Variants in ZMYM4 observed in about 807,000 individuals in gnomAD.
The protein encoded by ZMYM4 is zinc finger MYM-type containing 4.
ZMYM4 carries 31 observed loss-of-function variants against 183.2 expected under a neutral mutation model. The ratio of observed to expected loss-of-function variants is 0.17; its 90% CI spans 0.13 to 0.23. The LOEUF is 0.23. Ranked by LOEUF, ZMYM4 falls within the 10% of genes least tolerant of loss-of-function variation. The pLI is 1.00. For missense variants in ZMYM4, 1,273 were observed against 1,840.3 expected, an observed-to-expected ratio of 0.69 and a Z score of 5.64; for synonymous variants, 592 against 631.2, an observed-to-expected ratio of 0.94 and a Z score of 0.93.
At chr1:35,379,920 C>T (rs527374812) in intron 7 of ZMYM4, among the ~76,000 whole-genome samples, 2 of 152,290 alleles carry the variant, frequency 1.3e-5, no homozygotes, top group Admixed American at 6.5e-5. Context: ...CTTCCCAAAA[C>T]AATTACAATA....
chr1:35,361,483 C>T (rs894695146), intron 4 of ZMYM4, 136 bp from the exon 5 acceptor site: 3 of 1,053,710 alleles, frequency 2.8e-6, no homozygotes, highest in Non-Finnish European at 2.7e-6. Context: ...TACTTTTAGG[C>T]GTAGGCATAA....
At chr1:35,394,727 G>T (rs997766960) in intron 18 of ZMYM4, among the ~76,000 whole-genome samples, 1 of 152,134 alleles carries the variant, frequency 6.6e-6, no homozygotes, top group Non-Finnish European at 1.5e-5. Flanking sequence ...AATTTCCCAA[G>T]AATTTAAATG....
intron 2 of ZMYM4, chr1:35,351,230 G>C: frequency 1.3e-6 from 2 of 1,492,280 alleles, no homozygotes; most frequent in Non-Finnish European, 1.9e-6. Context: ...ATGGAGGCTT[G>C]TCTGTCCCTC....
chr1:35,386,907 A>T, intron 11 of ZMYM4, 96 bp from the exon 12 acceptor site: 1 of 1,352,918 alleles, frequency 7.4e-7, no homozygotes. Flanking sequence ...GATGTACCTT[A>T]CATGCCTAGA....
intron 1 of ZMYM4, among the ~76,000 whole-genome samples, chr1:35,306,125 C>T (rs1017716882): frequency 2.0e-5 from 3 of 152,044 alleles, no homozygotes; most frequent in Non-Finnish European, 2.9e-5. Context: ...TCTTTATTCT[C>T]GCCTTATTGT....
At position 35,421,386 on chromosome 1, in the gene ZMYM4, T is replaced by C. The variant is rs1640320557; in HGVS notation, c.*1709T>C. 6.6e-6 allele frequency: 1 copy of C among 152,648 alleles called. No homozygotes were observed. Among genetic ancestry groups the C allele is most frequent in the Admixed American group, 6.5e-5 (1 of 15,282 alleles). The allele number at this position is 152,648 out of a possible 1,614,324, so 9.5% of individuals were successfully genotyped here. A position where few individuals can be genotyped will look rare whatever the true frequency, so the allele number is the denominator to read the frequency against. On this transcript the variant is annotated 3_prime_UTR_variant, in exon 30 of 30. Coordinates refer to ENST00000314607, the MANE Select transcript of ZMYM4 (RefSeq NM_005095.3). ...CTGGAAAACTTCTTACTCCATACCT[T>C]GTTCGATATGGAGGACAAATAATTG...
At chr1:35,315,540 A>G (rs1642006594) in intron 1 of ZMYM4, among the ~76,000 whole-genome samples, 1 of 152,168 alleles carries the variant, frequency 6.6e-6, no homozygotes, top group Admixed American at 6.6e-5. Flanking sequence ...TGTCAGTGTA[A>G]TTTCTGTGAA....
At chr1:35,414,906 G>A (rs1038170364) in intron 27 of ZMYM4, among the ~76,000 whole-genome samples, 7 of 151,848 alleles carry the variant, frequency 4.6e-5, no homozygotes, top group African/African-American at 1.7e-4. Context: ...AAATTAGCTG[G>A]GCATGGTGGT....
At chr1:35,320,776 CA>C (rs979965717) in intron 1 of ZMYM4, among the ~76,000 whole-genome samples, 1 of 152,200 alleles carries the variant, frequency 6.6e-6, no homozygotes, top group Non-Finnish European at 1.5e-5. Flanking sequence ...AAAAGTCCCA[CA>C]TATCTGGTCA....
chr1:35,398,796 A>G, intron 21 of ZMYM4, 68 bp from the exon 22 acceptor site: 1 of 1,546,238 alleles, frequency 6.5e-7, no homozygotes, highest in Non-Finnish European at 8.8e-7. Flanking sequence ...GGGTTCAGGA[A>G]GTTTTCCGAG....
intron 1 of ZMYM4, among the ~76,000 whole-genome samples, chr1:35,273,714 G>A (rs1462310751): frequency 1.3e-5 from 2 of 152,252 alleles, no homozygotes; most frequent in East Asian, 1.9e-4. Context: ...CCCCACATTT[G>A]TGTCTGTATA....
chr1:35,372,883 C>T (rs1325125051), intron 7 of ZMYM4, among the ~76,000 whole-genome samples: 4 of 152,130 alleles, frequency 2.6e-5, no homozygotes, highest in African/African-American at 7.2e-5. Flanking sequence ...TGTGGCTGGG[C>T]GTGGTGGCTT....
In ZMYM4 at chr1:35,368,061, G is replaced by GCC. The variant is rs376935993; in HGVS notation, c.841-1959_841-1958dup. On this transcript the variant is annotated intron_variant, in intron 5 of 29. Transcript: ENST00000314607. The stretch of plus-strand genomic sequence containing the variant: ...TTATCAGTGGTGGGCCAAATCCAGC[G>GCC]CCCCCCCCCCACCCATTTTTTTTGT... Among the ~76,000 whole-genome samples, 598 of 98,268 alleles carry GCC rather than the reference G, an allele frequency of 6.1e-3. 2 individuals are homozygous for GCC. Among genetic ancestry groups the GCC allele is most frequent in the African/African-American group, 0.012 (294 of 24,624 alleles). 64.5% of individuals were successfully genotyped at this position (98,268 alleles called of 152,430 possible). A position where few individuals can be genotyped will look rare whatever the true frequency, so the allele number is the denominator to read the frequency against.
At position 35,268,781 on chromosome 1, in the gene ZMYM4, C is replaced by G. The variant is rs1323603277; in HGVS notation, c.-266C>G. On this transcript the variant is annotated 5_prime_UTR_variant, in exon 1 of 30. Coordinates refer to ENST00000314607, the MANE Select transcript of ZMYM4 (RefSeq NM_005095.3). ...GAGAAAATAATCCTACTCACGGGGC[C>G]CCTTGGAGGCCATTAACCCCCCGAG... Among the ~76,000 whole-genome samples, 1 of 152,216 alleles carries G rather than the reference C, an allele frequency of 6.6e-6. No homozygotes were observed. Among genetic ancestry groups the G allele is most frequent in the Non-Finnish European group, 1.5e-5 (1 of 68,020 alleles).
intron 2 of ZMYM4, among the ~76,000 whole-genome samples, chr1:35,335,870 G>A (rs1049350155): frequency 6.6e-6 from 1 of 152,128 alleles, no homozygotes; most frequent in African/African-American, 2.4e-5. Flanking sequence ...GGAGAATGGC[G>A]TGAACCTGGG....
At chr1:35,355,758 TC>T (rs1400959211) in intron 2 of ZMYM4, among the ~76,000 whole-genome samples, 1 of 152,162 alleles carries the variant, frequency 6.6e-6, no homozygotes, top group Admixed American at 6.5e-5. Flanking sequence ...AAATAATTCT[TC>T]CATAGTTTCT....
intron 1 of ZMYM4, among the ~76,000 whole-genome samples, chr1:35,276,504 T>C (rs1245458433): frequency 6.8e-6 from 1 of 147,612 alleles, no homozygotes; most frequent in African/African-American, 2.5e-5. Context: ...ATTCTTTAAG[T>C]GTCTTTTTAC....
In ZMYM4 at chr1:35,268,869, A is replaced by T. The variant is rs1008361371; in HGVS notation, c.-178A>T. 5.1e-6 allele frequency: 3 copies of T among 585,652 alleles called. No individual in the cohort carries two copies. Among genetic ancestry groups the T allele is most frequent in the Non-Finnish European group, 7.5e-6 (3 of 398,686 alleles). 36.3% of individuals were successfully genotyped at this position (585,652 alleles called of 1,614,324 possible). The stretch of plus-strand genomic sequence containing the variant: ...CCCACGCGCGGACCCGTGGGATCTC[A>T]GAAGCTGCGGCCCGGCGCGCGGCAT... On this transcript the variant is annotated 5_prime_UTR_variant, in exon 1 of 30. Coordinates refer to ENST00000314607, the MANE Select transcript of ZMYM4 (RefSeq NM_005095.3).
chr1:35,396,739 G>C, intron 19 of ZMYM4, 69 bp downstream of exon 19: 1 of 1,490,908 alleles, frequency 6.7e-7, no homozygotes, highest in Non-Finnish European at 9.0e-7. Context: ...GTATAGTTCT[G>C]TGAAGAAAGT....
Sources: gnomAD v4.1 joint callset for allele counts (sites outside exome capture counted in the v4.1 genomes callset) on GRCh38, gnomAD v4.1.1 for gene constraint, MANE v1.5 for transcripts, NCBI Gene and HGNC (gene_info 2026-07-23, HGNC 2026-07-21) for gene names.